RNF31: variants seen among roughly 807,000 people sequenced by gnomAD.
RNF31 encodes ring finger protein 31.
In RNF31, 38 loss-of-function variants were observed where a neutral mutation model predicts 133.6. The ratio of observed to expected loss-of-function variants is 0.28; its 90% CI spans 0.22 to 0.37. The LOEUF is 0.37. RNF31 is among the 10% of genes least tolerant of loss of function. The pLI is 1.00. For synonymous variants in RNF31, 582 were observed against 552.3 expected, an observed-to-expected ratio of 1.05 and a Z score of -0.75; for missense variants, 1,118 against 1,394.1, an observed-to-expected ratio of 0.80 and a Z score of 3.15.
Position 24,149,709 on chromosome 14 carries a change from T to C in RNF31, c.809+126T>C, listed in dbSNP as rs73604910. 2.5e-3 allele frequency: 2,463 copies of C among 969,072 alleles called. 44 individuals carry two copies. In the African/African-American group the frequency reaches 0.036, roughly 14 times the overall value. 60.0% of individuals were successfully genotyped at this position (969,072 alleles called of 1,614,324 possible). A position where few individuals can be genotyped will look rare whatever the true frequency, so the allele number is the denominator to read the frequency against. On this transcript the variant is annotated intron_variant, in intron 6 of 20. Transcript: ENST00000324103. ...GAGGACAAGTAGCCAGTCAGAACCC[T>C]GAAAGAGATAATAGACATACACATC...
intron 7 of RNF31, 26 bp downstream of exon 7, chr14:24,150,474 CGT>C (rs1223632692): frequency 2.5e-6 from 4 of 1,591,548 alleles, no homozygotes; most frequent in Non-Finnish European, 3.4e-6. Context: ...AGCTCTTTAT[CGT>C]GTGTTACCTC....
In RNF31 at chr14:24,151,132, A is replaced by G. The variant is rs367740993; in HGVS notation, c.1490A>G (p.Glu497Gly). 6.2e-7 allele frequency: 1 copy of G among 1,613,428 alleles called. No individual in the cohort carries two copies. Among genetic ancestry groups the G allele is most frequent in the Non-Finnish European group, 8.5e-7 (1 of 1,179,768 alleles). The change falls in exon 9 of 21, where the codon GAA becomes GGA. Residue 497 changes from glutamate (E) to glycine (G), a missense_variant and splice_region_variant. Glu to Gly is a moderately conservative substitution (Grantham distance 98). Coordinates refer to ENST00000324103, the MANE Select transcript of RNF31 (RefSeq NM_017999.5). The surrounding 1 kb of genome is among the most constrained non-coding windows in gnomAD (Gnocchi z 5.3). ...EGLQLVSMIR[E>G]GEAAGACPEE... The stretch of plus-strand genomic sequence containing the variant: ...CTGATGGGCGGGACTGTGCCTTAGG[A>G]AGGGGAAGCCGCAGGTGCCTGTCCA...
In RNF31 at chr14:24,147,859, C is replaced by T. The variant is rs200593880; in HGVS notation, c.161C>T (p.Ala54Val). 1,566 of 1,610,792 alleles carry T rather than the reference C, an allele frequency of 9.7e-4. 20 individuals carry two copies. The highest frequency in any genetic ancestry group is 2.8e-3 in the Middle Eastern group (17 of 6,058). Residue 54 changes from alanine to valine, a missense_variant, in exon 1 of 21, where the codon GCA (alanine) becomes GTA (valine). Physicochemically the swap from Ala to Val is moderately conservative, Grantham distance 64. Around this residue, in one of 3 missense-constraint regions of RNF31, gnomAD observed 747 missense variants for 827.9 expected, o/e 0.90. Transcript: ENST00000324103. Reference sequence around the variant, plus strand: ...GCCCGCTACCTGCAGCTGGACGCCGCACGCCTTGTCCGCTGCAACGCTCAT... The same window carrying T: ...GCCCGCTACCTGCAGCTGGACGCCGTACGCCTTGTCCGCTGCAACGCTCAT... ...LAARYLQLDA[A>V]RLVRCNAHGE...
Position 24,151,114 on chromosome 14 carries a change from G to A in RNF31, c.1489-17G>A, listed in dbSNP as rs1181987704. ...GGGTGAAGGGTGCCCCTCCTGATGG[G>A]CGGGACTGTGCCTTAGGAAGGGGAA... On this transcript the variant is annotated splice_polypyrimidine_tract_variant and intron_variant, in intron 8 of 20. Coordinates refer to ENST00000324103, the MANE Select transcript of RNF31 (RefSeq NM_017999.5). This position sits in a 1 kb window ranked among gnomAD's most constrained non-coding sequence, Gnocchi z 5.3. The A allele has an allele frequency of 6.2e-7, 1 of 1,612,134 alleles. No individual in the cohort carries two copies.
At chr14:24,157,473 C>G (rs2038360982) in intron 15 of RNF31, 47 bp from the exon 16 acceptor site, 1 of 1,604,074 alleles carries the variant, frequency 6.2e-7, no homozygotes, top group Non-Finnish European at 8.5e-7. Flanking sequence ...TCCTGAGGGC[C>G]TTGAGTTGCA....
intron 14 of RNF31, 137 bp from the exon 15 acceptor site, chr14:24,157,153 T>G (rs2038352842): frequency 4.9e-6 from 3 of 615,770 alleles, no homozygotes; most frequent in Non-Finnish European, 2.9e-6. Flanking sequence ...GGCCTCTCAT[T>G]TTGAGATCTG....
Position 24,147,662 on chromosome 14 carries a change from G to A in RNF31, c.-37G>A. On this transcript the variant is annotated 5_prime_UTR_variant, in exon 1 of 21. Coordinates refer to ENST00000324103, the MANE Select transcript of RNF31 (RefSeq NM_017999.5). Reference sequence around the variant, plus strand: ...CCGCGCGCTGCCCGCGCCGGGTCCTGGCGGGCGGCGAGGCTGGGGCTGACT... The same window carrying A: ...CCGCGCGCTGCCCGCGCCGGGTCCTAGCGGGCGGCGAGGCTGGGGCTGACT... 1 of 1,376,934 alleles carries A rather than the reference G, an allele frequency of 7.3e-7. No individual in the cohort carries two copies. Among genetic ancestry groups the A allele is most frequent in the African/African-American group, 1.5e-5 (1 of 65,224 alleles). 85.3% of individuals were successfully genotyped at this position (1,376,934 alleles called of 1,614,324 possible).
chr14:24,155,020 G>T lies in RNF31; in HGVS notation c.2131-137G>T. On this transcript the variant is annotated intron_variant, in intron 11 of 20. Coordinates refer to ENST00000324103, the MANE Select transcript of RNF31 (RefSeq NM_017999.5). The surrounding 1 kb of genome is among the most constrained non-coding windows in gnomAD (Gnocchi z 4.9). The stretch of plus-strand genomic sequence containing the variant: ...TGTTTACGTTGCCTGCCTGGCCCCT[G>T]CTGGCACTTGAGGTTGTTAACCCTG... 1.3e-6 allele frequency: 1 copy of T among 773,300 alleles called. No individual in the cohort carries two copies. Among genetic ancestry groups the T allele is most frequent in the Non-Finnish European group, 2.1e-6 (1 of 483,974 alleles). The allele number at this position is 773,300 out of a possible 1,614,324, so 47.9% of individuals were successfully genotyped here.
At chr14:24,149,747 A>G (rs1475016202) in intron 6 of RNF31, among the ~76,000 whole-genome samples, 164 bp downstream of exon 6, 1 of 152,214 alleles carries the variant, frequency 6.6e-6, no homozygotes, top group Non-Finnish European at 1.5e-5. Context: ...GCAGGTAGCA[A>G]TTGCAGTAAC....
intron 5 of RNF31, 61 bp downstream of exon 5, chr14:24,148,937 C>A: frequency 7.6e-7 from 1 of 1,317,796 alleles, no homozygotes; most frequent in Non-Finnish European, 1.1e-6. Flanking sequence ...ATTTGGGATG[C>A]TCCTCTGTCT....
chr14:24,148,450 C>A (rs756042262), intron 3 of RNF31, 37 bp downstream of exon 3: 1 of 1,613,424 alleles, frequency 6.2e-7, no homozygotes, highest in East Asian at 2.2e-5. Context: ...ACTTATGCAC[C>A]AGGGCTGGGG....
At chr14:24,159,104 G>A (rs2038396800) in intron 18 of RNF31, among the ~76,000 whole-genome samples, 1 of 151,270 alleles carries the variant, frequency 6.6e-6, no homozygotes. Flanking sequence ...CAGCACTTTG[G>A]GAGGCCGAGG....
In RNF31 at chr14:24,160,073, GGGA is replaced by G; in HGVS notation, c.2996+119_2996+121del. 2 of 1,322,798 alleles carry G rather than the reference GGGA, an allele frequency of 1.5e-6. No individual in the cohort carries two copies. Among genetic ancestry groups the G allele is most frequent in the East Asian group, 4.7e-5 (2 of 43,008 alleles). The allele number at this position is 1,322,798 out of a possible 1,614,324, so 81.9% of individuals were successfully genotyped here. On this transcript the variant is annotated intron_variant, in intron 19 of 20. Transcript: ENST00000324103. This position sits in a 1 kb window ranked among gnomAD's most constrained non-coding sequence, Gnocchi z 4.0. ...GCAGTAGGTCTTGCAGTGGGTGGGA[GGGA>G]GGAGGCTTTCTGGGCAAGGGCATGG...
rs1431692204 is a variant in RNF31 at position 24,151,421 on chromosome 14, A to C, written c.1737+42A>C. On this transcript the variant is annotated intron_variant, in intron 9 of 20. Transcript: ENST00000324103. This position sits in a 1 kb window ranked among gnomAD's most constrained non-coding sequence, Gnocchi z 5.3. The stretch of plus-strand genomic sequence containing the variant: ...ATATGGGATAGGGTCGAGAGTCTGC[A>C]TCTCTCACACTCTCCCTTGCTTGCT... 3.7e-6 allele frequency: 6 copies of C among 1,613,204 alleles called. No homozygotes were observed. The African/African-American group carries it at 8.0e-5, about 22-fold the overall frequency.
chr14:24,149,741 G>A (rs903027500), intron 6 of RNF31, among the ~76,000 whole-genome samples, 158 bp downstream of exon 6: 1 of 152,178 alleles, frequency 6.6e-6, no homozygotes, highest in Admixed American at 6.5e-5. Flanking sequence ...CATCAAGCAG[G>A]TAGCAATTGC....
chr14:24,159,874 A>G lies in RNF31; in HGVS notation c.2910A>G (p.Arg970=), dbSNP rs1594386208. 6.2e-7 allele frequency: 1 copy of G among 1,613,990 alleles called. No homozygotes were observed. The highest frequency in any genetic ancestry group is 8.5e-7 in the Non-Finnish European group (1 of 1,179,924). Residue 970 remains arginine, a synonymous_variant, in exon 19 of 21, where the codon CGA becomes CGG. Transcript: ENST00000324103. ...GARAVPGGGC[R]VIEQKEVPNG... ...TTCCCTCACCTTTAGGCGGCTGCCGAGTGATAGAGCAGAAGGAGGTTCCCA... is the reference window on the plus strand; with the variant it reads ...TTCCCTCACCTTTAGGCGGCTGCCGGGTGATAGAGCAGAAGGAGGTTCCCA...
At position 24,157,999 on chromosome 14, in the gene RNF31, G is replaced by A; in HGVS notation, c.2829G>A (p.Gln943=). ...GGGACTGGACTGCTCTCCGGCTTCA[G>A]AAGCTGCTACAGGTCAGAGGTGGCC... ...YLRDWTALRL[Q]KLLQDNNVMF... Residue 943 remains glutamine, a synonymous_variant, in exon 17 of 21, where the codon CAG becomes CAA. Transcript: ENST00000324103. 6 of 1,614,138 alleles carry A rather than the reference G, an allele frequency of 3.7e-6. No homozygotes were observed. Among genetic ancestry groups the A allele is most frequent in the Non-Finnish European group, 5.1e-6 (6 of 1,180,036 alleles).
In RNF31 at chr14:24,155,762, G is replaced by C; in HGVS notation, c.2493+70G>C. 2 of 1,402,238 alleles carry C rather than the reference G, an allele frequency of 1.4e-6. No homozygotes were observed. Among genetic ancestry groups the C allele is most frequent in the Non-Finnish European group, 2.0e-6 (2 of 993,270 alleles). The allele number at this position is 1,402,238 out of a possible 1,614,324, so 86.9% of individuals were successfully genotyped here. ...CAGGTACTGTGTTAGACTCAGGGGA[G>C]TTTGTGTACTGGAGAGCAAAACAGA... On this transcript the variant is annotated intron_variant, in intron 14 of 20. Coordinates refer to ENST00000324103, the MANE Select transcript of RNF31 (RefSeq NM_017999.5). The surrounding 1 kb of genome is among the most constrained non-coding windows in gnomAD (Gnocchi z 4.9).
chr14:24,152,348 A>G (rs2038278926), intron 11 of RNF31, among the ~76,000 whole-genome samples: 1 of 152,242 alleles, frequency 6.6e-6, no homozygotes, highest in Admixed American at 6.5e-5. Flanking sequence ...CTATTATGAT[A>G]TCAAATATCA....
Sources: gnomAD v4.1 joint callset for allele counts (sites outside exome capture counted in the v4.1 genomes callset) on GRCh38, gnomAD v4.1.1 for gene constraint, gnomAD v4.1.1 regional missense constraint, Gnocchi (gnomAD v3.1) non-coding constraint, MANE v1.5 for transcripts, NCBI Gene and HGNC (gene_info 2026-07-23, HGNC 2026-07-21) for gene names.